The following IMMP2L variants were observed in gnomAD, a reference collection of about 807,000 sequenced individuals.
IMMP2L encodes mitochondrial inner membrane protease subunit 2.
In IMMP2L, 18 loss-of-function variants were observed where a neutral mutation model predicts 19.3. The observed-to-expected ratio is 0.93, with a 90% CI of 0.64 to 1.38. The LOEUF (loss-of-function observed/expected upper bound fraction) is 1.38, where lower values mean the gene tolerates loss of function less well. IMMP2L is among the 40% of genes most tolerant of loss of function. The pLI is 0.00. For synonymous variants in IMMP2L, 76 were observed against 73.0 expected (o/e 1.04, Z -0.21); for missense variants, 233 against 218.2 (o/e 1.07, Z -0.43).
chr7:111,175,422 G>C (rs1806933972), intron 3 of IMMP2L, among the ~76,000 whole-genome samples: 2 of 151,804 alleles, frequency 1.3e-5, no homozygotes, highest in Admixed American at 1.3e-4. Flanking sequence ...GGGTAGGAGA[G>C]ATATAAATAC....
intron 4 of IMMP2L, among the ~76,000 whole-genome samples, chr7:110,917,249 A>G (rs931762454): frequency 1.3e-5 from 2 of 152,176 alleles, no homozygotes; most frequent in Non-Finnish European, 2.9e-5. Flanking sequence ...AGCCCTTTCA[A>G]TACCAGACTT....
chr7:110,917,007 G>A (rs531778717), intron 4 of IMMP2L, among the ~76,000 whole-genome samples: 1 of 152,150 alleles, frequency 6.6e-6, no homozygotes, highest in Non-Finnish European at 1.5e-5. Context: ...GGCCTCTATA[G>A]GTGTAACTTA....
chr7:111,480,393 T>C (rs996124579), intron 3 of IMMP2L, among the ~76,000 whole-genome samples: 2 of 152,014 alleles, frequency 1.3e-5, no homozygotes, highest in Non-Finnish European at 2.9e-5. Flanking sequence ...GATATCAACT[T>C]TTTGTATGGC....
chr7:111,273,364 T>C (rs1315024513), intron 3 of IMMP2L, among the ~76,000 whole-genome samples: 1 of 152,102 alleles, frequency 6.6e-6, no homozygotes, highest in East Asian at 1.9e-4. Flanking sequence ...AATTTTGGGC[T>C]GCACGAGAAA....
Position 110,924,035 on chromosome 7 carries a change from C to G in IMMP2L, c.306-37340G>C, listed in dbSNP as rs1048480824. 2.6e-5 allele frequency among the ~76,000 whole-genome samples: 4 copies of G among 152,284 alleles called. No homozygotes were observed. The East Asian group carries it at 7.7e-4, about 29-fold the overall frequency. ...TTCAGCTCACCTTGTAGCTCAGTCT[C>G]AAGTTTACCTGAGTCTAATGTATGA... is the stretch of plus-strand genomic sequence containing the variant. On this transcript the variant is annotated intron_variant, in intron 4 of 5. Coordinates refer to ENST00000405709, the MANE Select transcript of IMMP2L (RefSeq NM_032549.4). The surrounding 1 kb of genome is among the most constrained non-coding windows in gnomAD (Gnocchi z 4.2).
chr7:111,018,023 T>A (rs1256587179), intron 3 of IMMP2L, among the ~76,000 whole-genome samples: 1 of 152,228 alleles, frequency 6.6e-6, no homozygotes, highest in Non-Finnish European at 1.5e-5. Flanking sequence ...GCATTTGGGC[T>A]CTAATATACA....
chr7:110,843,934 T>G (rs1171954831), intron 5 of IMMP2L, among the ~76,000 whole-genome samples: 1 of 152,096 alleles, frequency 6.6e-6, no homozygotes, highest in East Asian at 1.9e-4. Flanking sequence ...AGGAGAGATC[T>G]CTGGGATAGG....
At chr7:110,858,421 G>A (rs369430905) in intron 5 of IMMP2L, among the ~76,000 whole-genome samples, 1 of 151,924 alleles carries the variant, frequency 6.6e-6, no homozygotes, top group South Asian at 2.1e-4. Context: ...ACTAGCAGAG[G>A]GGGAGGGGGA....
At chr7:111,453,757 C>T (rs752104499) in intron 3 of IMMP2L, among the ~76,000 whole-genome samples, 40 of 152,102 alleles carry the variant, frequency 2.6e-4, no homozygotes, top group African/African-American at 5.8e-4. Context: ...CACTCTAACA[C>T]GGCAAAACTC....
At chr7:111,230,429 G>A (rs1813589509) in intron 3 of IMMP2L, among the ~76,000 whole-genome samples, 1 of 152,022 alleles carries the variant, frequency 6.6e-6, no homozygotes, top group African/African-American at 2.4e-5. Context: ...AGTGCAACAA[G>A]ATGAAATACT....
chr7:111,357,557 C>T (rs1828841039), intron 3 of IMMP2L, among the ~76,000 whole-genome samples: 1 of 152,112 alleles, frequency 6.6e-6, no homozygotes, highest in South Asian at 2.1e-4. Flanking sequence ...TGTCCTTTTA[C>T]AACTTAGAAC....
chr7:110,927,125 A>AC (rs921653393), intron 4 of IMMP2L, among the ~76,000 whole-genome samples: 2 of 151,376 alleles, frequency 1.3e-5, no homozygotes, highest in Admixed American at 6.6e-5. Context: ...TCCTCCTCCT[A>AC]CCCCCACTTC....
intron 1 of IMMP2L, among the ~76,000 whole-genome samples, chr7:111,530,024 C>T (rs1373970467): frequency 1.3e-5 from 2 of 152,116 alleles, no homozygotes; most frequent in African/African-American, 4.8e-5. Flanking sequence ...AAAGCAGGCC[C>T]CATCCTATCC....
At chr7:111,024,108 GA>G (rs1198882644) in intron 3 of IMMP2L, among the ~76,000 whole-genome samples, 1 of 152,148 alleles carries the variant, frequency 6.6e-6, no homozygotes, top group Non-Finnish European at 1.5e-5. Context: ...TGAAGAAACT[GA>G]AATAGAGAAT....
intron 5 of IMMP2L, among the ~76,000 whole-genome samples, chr7:110,681,779 T>C (rs1385851821): frequency 2.0e-5 from 3 of 152,232 alleles, no homozygotes; most frequent in East Asian, 1.9e-4. Context: ...GCAATGTGTT[T>C]GGCAGAAGTG....
At position 111,354,276 on chromosome 7, in the gene IMMP2L, G is replaced by T. The variant is rs139948721; in HGVS notation, c.239+132962C>A. Among the ~76,000 whole-genome samples, 469 of 151,894 alleles carry T rather than the reference G, an allele frequency of 3.1e-3. 5 individuals are homozygous for T. The highest frequency in any genetic ancestry group is 0.011 in the African/African-American group (447 of 41,466). ...AGGTAAATTTAAAGATACCTATTAA[G>T]GTAACATATTTACCACATTAACAGA... On this transcript the variant is annotated intron_variant, in intron 3 of 5. Transcript: ENST00000405709.
chr7:111,193,678 G>A (rs1189779684), intron 3 of IMMP2L, among the ~76,000 whole-genome samples: 3 of 152,054 alleles, frequency 2.0e-5, no homozygotes, highest in Admixed American at 1.3e-4. Flanking sequence ...ATCAGAAAGA[G>A]CCTCTTCATT....
At chr7:111,060,335 C>G (rs1265676969) in intron 3 of IMMP2L, among the ~76,000 whole-genome samples, 1 of 152,204 alleles carries the variant, frequency 6.6e-6, no homozygotes, top group East Asian at 1.9e-4. Context: ...CAAGAAACCA[C>G]ATTATTTTAC....
Position 110,816,937 on chromosome 7 carries a change from C to A in IMMP2L, c.408+69656G>T, listed in dbSNP as rs544115926. 2.2e-3 allele frequency among the ~76,000 whole-genome samples: 336 copies of A among 152,262 alleles called. 2 individuals are homozygous for A. The highest frequency in any genetic ancestry group is 7.6e-3 in the African/African-American group (316 of 41,574). On this transcript the variant is annotated intron_variant, in intron 5 of 5. Coordinates refer to ENST00000405709, the MANE Select transcript of IMMP2L (RefSeq NM_032549.4). ...CTTTATCCAATTTGCCAGACTGCGT[C>A]TTTTAATTGGAGCATTTAGCCCATT...
Sources: allele counts gnomAD v4.1 joint callset (sites outside exome capture counted in the v4.1 genomes callset), GRCh38; gene constraint gnomAD v4.1.1; non-coding constraint Gnocchi (gnomAD v3.1); transcripts MANE v1.5; gene names NCBI Gene and HGNC (gene_info 2026-07-23, HGNC 2026-07-21).